Variants in SUSD1 observed in about 807,000 individuals in gnomAD.
SUSD1 encodes the protein sushi domain containing 1.
A neutral mutation model predicts 86.9 loss-of-function variants in SUSD1; 65 were observed. The observed-to-expected ratio is 0.75, with a 90% CI of 0.61 to 0.92. SUSD1 has a LOEUF of 0.92. Ranked by LOEUF, SUSD1 falls within the 40% of genes least tolerant of loss-of-function variation. The pLI, the probability that SUSD1 is intolerant of heterozygous loss-of-function variation, is 0.00. For synonymous variants in SUSD1, 346 were observed against 350.0 expected (o/e 0.99, Z 0.13); for missense variants, 850 against 929.7 (o/e 0.91, Z 1.11).
intron 10 of SUSD1, among the ~76,000 whole-genome samples, chr9:112,086,299 C>A (rs2131577464): frequency 7.1e-6 from 1 of 140,812 alleles, no homozygotes; most frequent in African/African-American, 2.6e-5. Context: ...AGAGCGAGAC[C>A]TTGCCTCAAA....
chr9:112,055,778 GA>G (rs1218378651), intron 14 of SUSD1, among the ~76,000 whole-genome samples: 1 of 152,118 alleles, frequency 6.6e-6, no homozygotes, highest in Non-Finnish European at 1.5e-5. Context: ...ATGAATAAAT[GA>G]ATAAGCAAAC....
intron 6 of SUSD1, among the ~76,000 whole-genome samples, chr9:112,119,502 C>G (rs1831464301): frequency 6.6e-6 from 1 of 152,182 alleles, no homozygotes; most frequent in East Asian, 1.9e-4. Flanking sequence ...AGAAAGGATC[C>G]TAGCGATAAA....
At chr9:112,068,315 T>C (rs139160822) in intron 12 of SUSD1, among the ~76,000 whole-genome samples, 10 of 152,028 alleles carry the variant, frequency 6.6e-5, no homozygotes, top group African/African-American at 2.4e-4. Context: ...GGCTGAAAGG[T>C]TGAGGTCTGG....
intron 6 of SUSD1, among the ~76,000 whole-genome samples, chr9:112,115,894 C>T (rs572623655): frequency 6.7e-5 from 10 of 150,284 alleles, no homozygotes; most frequent in East Asian, 5.9e-4. Flanking sequence ...ACCTTCAGTT[C>T]GCCCCCTTGG....
intron 1 of SUSD1, among the ~76,000 whole-genome samples, chr9:112,159,456 G>A (rs1833473263): frequency 6.6e-6 from 1 of 152,130 alleles, no homozygotes; most frequent in African/African-American, 2.4e-5. Context: ...TCATCACTAA[G>A]TAATGCCAAA....
Position 112,098,602 on chromosome 9 carries a change from A to G in SUSD1, c.1342T>C (p.Phe448Leu), listed in dbSNP as rs1278222681. ...ACAGGCACTTGTTCCCTCGTTGTGA[A>G]GTTAAACGATGTTGCATGAGAAAAG... ...ANFSHATSFNFTTREQVPVVC... is the reference protein window; with the variant it reads ...ANFSHATSFNLTTREQVPVVC... Residue 448 changes from phenylalanine (F) to leucine (L), a missense_variant, in exon 10 of 17, where the codon TTC becomes CTC. Transcript: ENST00000374270. 16 of 1,614,082 alleles carry G rather than the reference A, an allele frequency of 9.9e-6. No individual in the cohort carries two copies. Among genetic ancestry groups the G allele is most frequent in the Admixed American group, 1.7e-5 (1 of 60,000 alleles).
intron 12 of SUSD1, among the ~76,000 whole-genome samples, chr9:112,063,682 T>A (rs1233871502): frequency 7.5e-6 from 1 of 132,960 alleles, no homozygotes; most frequent in Non-Finnish European, 1.5e-5. Flanking sequence ...ACTGACTGGC[T>A]GACACCAGCG....
At chr9:112,174,678 G>T (rs1834190098) in intron 1 of SUSD1, among the ~76,000 whole-genome samples, 1 of 152,160 alleles carries the variant, frequency 6.6e-6, no homozygotes, top group Non-Finnish European at 1.5e-5. Context: ...CTCTAACAAC[G>T]TGAAAAAATT....
chr9:112,089,049 G>A (rs1029534331), intron 10 of SUSD1, among the ~76,000 whole-genome samples: 8 of 152,194 alleles, frequency 5.3e-5, no homozygotes, highest in African/African-American at 1.9e-4. Flanking sequence ...TGTGGCTACA[G>A]TGAGCTATGA....
chr9:112,096,053 C>T (rs1351736878), intron 10 of SUSD1, among the ~76,000 whole-genome samples: 2 of 152,160 alleles, frequency 1.3e-5, no homozygotes, highest in East Asian at 3.8e-4. Flanking sequence ...GAAGACATTT[C>T]CCAATTTAAG....
At position 112,114,928 on chromosome 9, in the gene SUSD1, A is replaced by G. The variant is rs189862459; in HGVS notation, c.887-2060T>C. On this transcript the variant is annotated intron_variant, in intron 6 of 16. Coordinates refer to ENST00000374270, the MANE Select transcript of SUSD1 (RefSeq NM_022486.5). The stretch of plus-strand genomic sequence containing the variant: ...GCCCACCCTCTGTGGAGACCAGTAC[A>G]ATCAGGCATCATACGCTGACTCTCC... Among the ~76,000 whole-genome samples the G allele has an allele frequency of 6.1e-3, 923 of 152,332 alleles. 11 individuals carry two copies. The highest frequency in any genetic ancestry group is 0.021 in the African/African-American group (874 of 41,574).
intron 13 of SUSD1, among the ~76,000 whole-genome samples, chr9:112,060,118 G>A (rs147337594): frequency 1.0e-3 from 152 of 152,084 alleles, no homozygotes; most frequent in African/African-American, 3.5e-3. Context: ...CATGTCAAAC[G>A]CCCTATCTCC....
At chr9:112,042,130 T>C (rs1827768294) in intron 15 of SUSD1, 170 bp from the exon 16 acceptor site, 2 of 1,539,960 alleles carry the variant, frequency 1.3e-6, no homozygotes, top group Non-Finnish European at 1.7e-6. Context: ...GCCCTGTGGA[T>C]ATGCAGCCTC....
In SUSD1 at chr9:112,041,932, C is replaced by G. The variant is rs769104119; in HGVS notation, c.2178G>C (p.Ala726=). 1.9e-6 allele frequency: 3 copies of G among 1,613,934 alleles called. No homozygotes were observed. Among genetic ancestry groups the G allele is most frequent in the Admixed American group, 3.3e-5 (2 of 60,002 alleles). The change falls in exon 16 of 17, where the codon GCG becomes GCC. Residue 726 remains alanine (A), a synonymous_variant. Coordinates refer to ENST00000374270, the MANE Select transcript of SUSD1 (RefSeq NM_022486.5). ...CAGCCAGGGAACCCAGTCCAACACC[C>G]GCCATCTGCAGCAGCATGAGTGACG... The part of the protein sequence containing the change: ...KDSSLMLLQM[A]GVGLGSLAVV...
intron 12 of SUSD1, among the ~76,000 whole-genome samples, chr9:112,067,390 G>A (rs1206261928): frequency 6.6e-6 from 1 of 152,238 alleles, no homozygotes; most frequent in Non-Finnish European, 1.5e-5. Flanking sequence ...TCCCAGTTCT[G>A]TGATCCCACA....
chr9:112,066,074 G>C (rs1391044311), intron 12 of SUSD1, among the ~76,000 whole-genome samples: 1 of 152,200 alleles, frequency 6.6e-6, no homozygotes, highest in East Asian at 1.9e-4. Flanking sequence ...CTAGAAGACG[G>C]CCGGCCGAGC....
intron 15 of SUSD1, 139 bp downstream of exon 15, chr9:112,052,260 C>T (rs1564246401): frequency 6.4e-7 from 1 of 1,553,672 alleles, no homozygotes; most frequent in Non-Finnish European, 8.7e-7. Context: ...TTTTTTTCAG[C>T]TATGAAGCTC....
chr9:112,062,748 A>T (rs1236186983), intron 13 of SUSD1, among the ~76,000 whole-genome samples, 189 bp downstream of exon 13: 3 of 152,186 alleles, frequency 2.0e-5, no homozygotes, highest in Non-Finnish European at 2.9e-5. Context: ...CTCTCTCACC[A>T]TTAGAAAGGA....
At chr9:112,114,658 C>T (rs1831237933) in intron 6 of SUSD1, among the ~76,000 whole-genome samples, 1 of 152,178 alleles carries the variant, frequency 6.6e-6, no homozygotes. Flanking sequence ...TCAGCTTCCC[C>T]TGCTCCTTGT....
Sources: gnomAD v4.1 joint callset for allele counts (sites outside exome capture counted in the v4.1 genomes callset) on GRCh38, gnomAD v4.1.1 for gene constraint, MANE v1.5 for transcripts, NCBI Gene and HGNC (gene_info 2026-07-23, HGNC 2026-07-21) for gene names.